ADAMTS9: variants seen among roughly 807,000 people sequenced by gnomAD.
The protein encoded by ADAMTS9 is A disintegrin and metalloproteinase with thrombospondin motifs 9.
ADAMTS9 carries 107 observed loss-of-function variants against 257.1 expected under a neutral mutation model. The observed-to-expected ratio is 0.42, with a 90% CI of 0.36 to 0.49. The LOEUF (loss-of-function observed/expected upper bound fraction) is 0.49. ADAMTS9 is among the 20% of genes least tolerant of loss of function. ADAMTS9 has a pLI of 0.03. For synonymous variants in ADAMTS9, 982 were observed against 880.9 expected (o/e 1.11, Z -2.03); for missense variants, 2,353 against 2,469.1 (o/e 0.95, Z 1.00).
chr3:64,541,337 G>A lies in ADAMTS9; in HGVS notation c.5370C>T (p.Ser1790=), dbSNP rs142983583. 8 of 1,614,070 alleles carry A rather than the reference G, an allele frequency of 5.0e-6. No homozygotes were observed. Among genetic ancestry groups the A allele is most frequent in the Middle Eastern group, 1.6e-4 (1 of 6,062 alleles). Reference sequence around the variant, plus strand: ...TCTCCTACCTGTGCCCATAAACCTCGGAGAAATTCTCAGAGTCTCCATGCA... The same window carrying A: ...TCTCCTACCTGTGCCCATAAACCTCAGAGAAATTCTCAGAGTCTCCATGCA... ...TLVHGDSENF[S]EVYGHRLHNP... is the part of the protein sequence containing the mutation. Residue 1790 remains serine (S), a synonymous_variant, in exon 35 of 40, where the codon TCC becomes TCT. Coordinates refer to ENST00000498707, the MANE Select transcript of ADAMTS9 (RefSeq NM_182920.2).
intron 38 of ADAMTS9, 115 bp downstream of exon 38, chr3:64,533,051 G>T: frequency 1.1e-6 from 1 of 887,204 alleles, no homozygotes; most frequent in Non-Finnish European, 1.8e-6. Context: ...CTACAAAATG[G>T]CTTAAGTGGG....
At chr3:64,641,030 T>C (rs966034438) in intron 12 of ADAMTS9, among the ~76,000 whole-genome samples, 5 of 152,106 alleles carry the variant, frequency 3.3e-5, no homozygotes, top group Non-Finnish European at 7.4e-5. Flanking sequence ...GTCTCACCTG[T>C]AATACAACTA....
chr3:64,617,441 A>G (rs1489336685), intron 19 of ADAMTS9, among the ~76,000 whole-genome samples: 2 of 152,154 alleles, frequency 1.3e-5, no homozygotes, highest in Admixed American at 6.5e-5. Context: ...AGTCTATGGA[A>G]AGGGCATAGC....
At chr3:64,564,829 T>C (rs1007677636) in intron 29 of ADAMTS9, among the ~76,000 whole-genome samples, 4 of 151,992 alleles carry the variant, frequency 2.6e-5, no homozygotes, top group Non-Finnish European at 5.9e-5. Context: ...TACTTCCCAA[T>C]AAACCTTTTA....
At chr3:64,575,736 G>C (rs146103767) in intron 28 of ADAMTS9, among the ~76,000 whole-genome samples, 1 of 152,308 alleles carries the variant, frequency 6.6e-6, no homozygotes, top group Non-Finnish European at 1.5e-5. Context: ...TTCTCTGTAA[G>C]ATGGGAGAAT....
intron 27 of ADAMTS9, among the ~76,000 whole-genome samples, chr3:64,594,719 T>A (rs917136734): frequency 6.6e-6 from 1 of 152,222 alleles, no homozygotes. Flanking sequence ...CCATCTTATA[T>A]ATGAAGCAAT....
At chr3:64,682,626 A>G (rs1294106497) in intron 2 of ADAMTS9, among the ~76,000 whole-genome samples, 2 of 152,206 alleles carry the variant, frequency 1.3e-5, no homozygotes, top group Non-Finnish European at 2.9e-5. Flanking sequence ...GATGCCTTGC[A>G]TCCTTCCATT....
chr3:64,541,225 T>C lies in ADAMTS9; in HGVS notation c.5391A>G (p.Leu1797=). The part of the protein sequence containing the change: ...ENFSEVYGHR[L]HNPTECPYNG... ...TATAGGGACATTCTGTTGGGTTGTG[T>C]AACCTAAATTATACAGAGAATGTTC... The change falls in exon 36 of 40, where the codon TTA becomes TTG. Residue 1797 remains leucine, a synonymous_variant. Transcript: ENST00000498707. 1 of 1,614,182 alleles carries C rather than the reference T, an allele frequency of 6.2e-7. No homozygotes were observed. Among genetic ancestry groups the C allele is most frequent in the Non-Finnish European group, 8.5e-7 (1 of 1,180,022 alleles).
At chr3:64,568,267 G>C (rs914106484) in intron 29 of ADAMTS9, 101 bp downstream of exon 29, 3 of 1,369,600 alleles carry the variant, frequency 2.2e-6, no homozygotes, top group South Asian at 1.5e-5. Flanking sequence ...AGCTCCCCTC[G>C]GTAAAACCAA....
Position 64,561,727 on chromosome 3 carries a change from C to T in ADAMTS9, c.4549G>A (p.Val1517Ile), listed in dbSNP as rs868532784. The stretch of plus-strand genomic sequence containing the variant: ...TGACAGCCCACATGCCTCTGCTGTA[C>T]GCCTCGGCCACAGGACACAGAGCAC... ...SQCSVSCGRG[V>I]QQRHVGCQIG... Residue 1517 changes from valine to isoleucine, a missense_variant, in exon 30 of 40, where the codon GTA becomes ATA. By Grantham distance (29) the Val-to-Ile change is conservative. Coordinates refer to ENST00000498707, the MANE Select transcript of ADAMTS9 (RefSeq NM_182920.2). The T allele has an allele frequency of 5.0e-6, 8 of 1,612,978 alleles. No homozygotes were observed. The highest frequency in any genetic ancestry group is 1.6e-4 in the Middle Eastern group (1 of 6,082).
chr3:64,568,534 C>A lies in ADAMTS9; in HGVS notation c.4358G>T (p.Cys1453Phe). The A allele has an allele frequency of 6.2e-7, 1 of 1,613,406 alleles. No individual in the cohort carries two copies. The highest frequency in any genetic ancestry group is 1.1e-5 in the South Asian group (1 of 90,872). Residue 1453 changes from cysteine (C) to phenylalanine (F), a missense_variant and splice_region_variant, in exon 29 of 40, where the codon TGT (cysteine) becomes TTT (phenylalanine). Coordinates refer to ENST00000498707, the MANE Select transcript of ADAMTS9 (RefSeq NM_182920.2). ...AAWSTGPWSSCSVSCGRGHKQ... is the reference protein window; with the variant it reads ...AAWSTGPWSSFSVSCGRGHKQ... ...ATGCCCTCGACCACAAGAGACAGAACACTGCAATATAAAGCAATGGCAAGG... is the reference window on the plus strand; with the variant it reads ...ATGCCCTCGACCACAAGAGACAGAAAACTGCAATATAAAGCAATGGCAAGG...
chr3:64,621,023 C>A (rs530840340), intron 19 of ADAMTS9, 91 bp downstream of exon 19: 3 of 1,462,030 alleles, frequency 2.1e-6, no homozygotes, highest in South Asian at 1.4e-5. Context: ...GAACTAAAGA[C>A]CAGCATCCCC....
chr3:64,549,700 G>A (rs1001654347), intron 31 of ADAMTS9, among the ~76,000 whole-genome samples: 1 of 152,098 alleles, frequency 6.6e-6, no homozygotes, highest in African/African-American at 2.4e-5. Flanking sequence ...GCGCACTATA[G>A]GATTCTTAGC....
At chr3:64,553,870 TG>T (rs2106938800) in intron 30 of ADAMTS9, among the ~76,000 whole-genome samples, 1 of 152,262 alleles carries the variant, frequency 6.6e-6, no homozygotes, top group Admixed American at 6.5e-5. Context: ...TCAGTGGTTT[TG>T]GGGTTCTCTA....
At chr3:64,682,106 A>G (rs1701772792) in intron 2 of ADAMTS9, among the ~76,000 whole-genome samples, 1 of 152,154 alleles carries the variant, frequency 6.6e-6, no homozygotes, top group African/African-American at 2.4e-5. Context: ...TAGGGGAGTG[A>G]TGTCCTGCAA....
intron 3 of ADAMTS9, among the ~76,000 whole-genome samples, chr3:64,666,605 T>C (rs922770223): frequency 6.6e-6 from 1 of 152,038 alleles, no homozygotes; most frequent in African/African-American, 2.4e-5. Flanking sequence ...GTCATTTCCT[T>C]CTTTAAAGCC....
At chr3:64,626,959 G>A (rs543744363) in intron 16 of ADAMTS9, among the ~76,000 whole-genome samples, 9 of 152,164 alleles carry the variant, frequency 5.9e-5, no homozygotes, top group Non-Finnish European at 1.2e-4. Context: ...GGTTGTTTCC[G>A]TGGCACCTTG....
intron 28 of ADAMTS9, among the ~76,000 whole-genome samples, chr3:64,585,363 AG>A (rs1169424254): frequency 6.6e-6 from 1 of 152,126 alleles, no homozygotes; most frequent in Non-Finnish European, 1.5e-5. Context: ...TGTGAGAATG[AG>A]GGGTGATGAG....
chr3:64,545,143 C>G (rs117052213), intron 32 of ADAMTS9, among the ~76,000 whole-genome samples: 6,209 of 152,266 alleles, frequency 0.041, 700 homozygotes, highest in Admixed American at 0.25. Context: ...AATAAGAGCG[C>G]TTTTCCACTG....
Sources: gnomAD v4.1 joint callset for allele counts (sites outside exome capture counted in the v4.1 genomes callset) on GRCh38, gnomAD v4.1.1 for gene constraint, MANE v1.5 for transcripts, NCBI Gene and HGNC (gene_info 2026-07-23, HGNC 2026-07-21) for gene names.